Variants in ACTR10 observed in about 807,000 individuals in gnomAD.
ACTR10 encodes actin related protein 10.
Under a neutral mutation model 56.2 loss-of-function variants are expected in ACTR10, and 43 were observed. The observed-to-expected ratio is 0.77, with a 90% CI of 0.60 to 0.99. ACTR10 has a LOEUF of 0.99. Ranked by LOEUF, ACTR10 falls within the 50% of genes least tolerant of loss-of-function variation. The pLI is 0.00. For synonymous variants in ACTR10, 170 were observed against 176.3 expected (o/e 0.96, Z 0.28); for missense variants, 466 against 507.8 (o/e 0.92, Z 0.79).
At chr14:58,223,584 T>C in intron 8 of ACTR10, 38 bp from the exon 9 acceptor site, 1 of 1,526,076 alleles carries the variant, frequency 6.6e-7, no homozygotes, top group Non-Finnish European at 9.0e-7. Context: ...TCAATTATAA[T>C]AACTAGCCAT....
rs1396830837 is a variant in ACTR10 at position 58,211,231 on chromosome 14, A to G, written c.343-61A>G. Reference sequence around the variant, plus strand: ...TTTCAAATATATTTGGATATAAGGCAAATACCTTCAAATAATGACACTCAT... The same window carrying G: ...TTTCAAATATATTTGGATATAAGGCGAATACCTTCAAATAATGACACTCAT... On this transcript the variant is annotated intron_variant, in intron 4 of 12. Coordinates refer to ENST00000254286, the MANE Select transcript of ACTR10 (RefSeq NM_018477.3). 4 of 1,262,550 alleles carry G rather than the reference A, an allele frequency of 3.2e-6. No individual in the cohort carries two copies. The African/African-American group carries it at 5.9e-5, about 19-fold the overall frequency. The allele number at this position is 1,262,550 out of a possible 1,614,324, so 78.2% of individuals were successfully genotyped here.
At chr14:58,208,251 A>G (rs960170635) in intron 3 of ACTR10, among the ~76,000 whole-genome samples, 1 of 152,226 alleles carries the variant, frequency 6.6e-6, no homozygotes, top group African/African-American at 2.4e-5. Context: ...TGATAATTAA[A>G]TTATTCTACA....
chr14:58,217,553 C>G (rs1280271133), intron 7 of ACTR10, among the ~76,000 whole-genome samples: 4 of 151,676 alleles, frequency 2.6e-5, no homozygotes, highest in African/African-American at 4.8e-5. Flanking sequence ...GTAATCCCAG[C>G]TACTCGGGAG....
chr14:58,227,204 C>T, intron 10 of ACTR10, among the ~76,000 whole-genome samples: 1 of 148,954 alleles, frequency 6.7e-6, no homozygotes. Flanking sequence ...ACAGTAAGAG[C>T]TTAAAGTTAC....
At chr14:58,216,480 TG>T (rs1315564750) in intron 7 of ACTR10, among the ~76,000 whole-genome samples, 6 of 152,204 alleles carry the variant, frequency 3.9e-5, no homozygotes, top group Admixed American at 3.3e-4. Context: ...TGAGAATTTT[TG>T]TAAGCTCCTA....
intron 2 of ACTR10, among the ~76,000 whole-genome samples, chr14:58,206,030 C>G (rs547623979): frequency 1.3e-5 from 2 of 150,716 alleles, no homozygotes; most frequent in Non-Finnish European, 3.0e-5. Flanking sequence ...TCAAAAAAAA[C>G]GGGGGCGGGG....
At chr14:58,213,782 G>A in intron 6 of ACTR10, 84 bp downstream of exon 6, 1 of 988,896 alleles carries the variant, frequency 1.0e-6, no homozygotes, top group Non-Finnish European at 1.5e-6. Context: ...GTGATCAATA[G>A]AGGGCTTGTG....
At chr14:58,204,458 G>C (rs543754497) in intron 2 of ACTR10, among the ~76,000 whole-genome samples, 1 of 152,136 alleles carries the variant, frequency 6.6e-6, no homozygotes, top group Non-Finnish European at 1.5e-5. Context: ...GGCCGAAGTG[G>C]GAGGATCACT....
intron 3 of ACTR10, 44 bp from the exon 4 acceptor site, chr14:58,208,955 G>C (rs1278678124): frequency 7.6e-7 from 1 of 1,318,826 alleles, no homozygotes; most frequent in Non-Finnish European, 1.1e-6. Context: ...TTAACAAAAT[G>C]AATAAAAACT....
intron 10 of ACTR10, among the ~76,000 whole-genome samples, chr14:58,227,347 A>G (rs1457932301): frequency 6.6e-6 from 1 of 152,176 alleles, no homozygotes; most frequent in African/African-American, 2.4e-5. Flanking sequence ...CCTGGCCAAC[A>G]TGGTGAAACC....
chr14:58,233,796 G>T (rs1044194660), intron 12 of ACTR10, among the ~76,000 whole-genome samples: 1 of 152,164 alleles, frequency 6.6e-6, no homozygotes, highest in Non-Finnish European at 1.5e-5. Context: ...TGCATTTAGA[G>T]AAAGAGTAGT....
chr14:58,205,873 T>G (rs1340636997), intron 2 of ACTR10, among the ~76,000 whole-genome samples: 1 of 151,724 alleles, frequency 6.6e-6, no homozygotes, highest in Non-Finnish European at 1.5e-5. Context: ...AATACAAATA[T>G]TAGCCAGGTG....
In ACTR10 at chr14:58,223,786, C is replaced by G; in HGVS notation, c.718C>G (p.Pro240Ala). The change falls in exon 10 of 13, where the codon CCC becomes GCC. Residue 240 changes from proline to alanine, a missense_variant. Coordinates refer to ENST00000254286, the MANE Select transcript of ACTR10 (RefSeq NM_018477.3). ...GTTTATGATATTTATATTTCAGCGT[C>G]CCTCCCCACCCCCAAATGTTGACTA... ...KFNIDGNNERPSPPPNVDYPL... is the reference protein window; with the variant it reads ...KFNIDGNNERASPPPNVDYPL... The G allele has an allele frequency of 6.2e-7, 1 of 1,612,456 alleles. No homozygotes were observed. The highest frequency in any genetic ancestry group is 8.5e-7 in the Non-Finnish European group (1 of 1,178,962).
At chr14:58,209,928 C>T (rs1340995634) in intron 4 of ACTR10, among the ~76,000 whole-genome samples, 1 of 152,104 alleles carries the variant, frequency 6.6e-6, no homozygotes, top group Admixed American at 6.5e-5. Context: ...GGTAAAGGCA[C>T]TTAATATTTC....
chr14:58,212,374 G>A (rs556090797), intron 5 of ACTR10, among the ~76,000 whole-genome samples: 183 of 152,242 alleles, frequency 1.2e-3, no homozygotes, highest in African/African-American at 4.3e-3. Context: ...AAATATTTAA[G>A]CAGAGTATAG....
In ACTR10 at chr14:58,234,847, A is replaced by G. The variant is rs1425887573; in HGVS notation, c.*296A>G. On this transcript the variant is annotated 3_prime_UTR_variant, in exon 13 of 13. Coordinates refer to ENST00000254286, the MANE Select transcript of ACTR10 (RefSeq NM_018477.3). ...TTTTTTTTTTTTTTTTTTGAGACGG[A>G]GTCTCGCTCTGTCACTTAGGCTGGA... 1.0e-4 allele frequency: 15 copies of G among 150,706 alleles called. No homozygotes were observed. Among genetic ancestry groups the G allele is most frequent in the African/African-American group, 4.8e-4 (14 of 28,986 alleles). 9.3% of individuals were successfully genotyped at this position (150,706 alleles called of 1,614,324 possible). A position where few individuals can be genotyped will look rare whatever the true frequency, so the allele number is the denominator to read the frequency against.
intron 12 of ACTR10, among the ~76,000 whole-genome samples, chr14:58,233,586 CTA>C (rs1889596856): frequency 1.3e-5 from 2 of 152,172 alleles, no homozygotes; most frequent in Admixed American, 6.5e-5. Context: ...CAACAGTAGA[CTA>C]TTGGTAGTTA....
chr14:58,209,070 G>T lies in ACTR10; in HGVS notation c.305G>T (p.Arg102Ile). 6.2e-7 allele frequency: 1 copy of T among 1,608,472 alleles called. No individual in the cohort carries two copies. Among genetic ancestry groups the T allele is most frequent in the Non-Finnish European group, 8.5e-7 (1 of 1,177,016 alleles). ...IESVLCPSHF[R>I]ETLTRVLFKY... ...TCGGTATTATGTCCTTCTCACTTCA[G>T]AGAGACACTCACTCGTGTTCTTTTC... The change falls in exon 4 of 13, where the codon AGA (arginine) becomes ATA (isoleucine). Residue 102 changes from arginine to isoleucine, a missense_variant. Transcript: ENST00000254286.
chr14:58,221,449 C>T (rs1049099727), intron 8 of ACTR10, among the ~76,000 whole-genome samples: 2 of 151,866 alleles, frequency 1.3e-5, no homozygotes, highest in Non-Finnish European at 2.9e-5. Context: ...AAAAATTAAC[C>T]AGGTGTGGTG....
Sources: allele counts gnomAD v4.1 joint callset (sites outside exome capture counted in the v4.1 genomes callset), GRCh38; gene constraint gnomAD v4.1.1; transcripts MANE v1.5; gene names NCBI Gene and HGNC (gene_info 2026-07-23, HGNC 2026-07-21).